The following NR5A2 variants were observed in gnomAD, a reference collection of about 807,000 sequenced individuals.
NR5A2 encodes CYP7A promoter-binding factor.
A neutral mutation model predicts 62.7 loss-of-function variants in NR5A2; 26 were observed. The ratio of observed to expected loss-of-function variants is 0.41; its 90% CI spans 0.30 to 0.58. The LOEUF (loss-of-function observed/expected upper bound fraction) is 0.58. Among genes scored for constraint, NR5A2 ranks in the 20% least tolerant of loss-of-function variants. The probability of loss-of-function intolerance (pLI) is 0.22; values close to 1 mark genes in which losing one functional copy is unlikely to be tolerated. For missense variants in NR5A2, 541 were observed against 669.1 expected, an observed-to-expected ratio of 0.81 and a Z score of 2.11; for synonymous variants, 246 against 241.7, an observed-to-expected ratio of 1.02 and a Z score of -0.16.
At chr1:200,128,603 T>G (rs1666829857) in intron 7 of NR5A2, among the ~76,000 whole-genome samples, 1 of 152,158 alleles carries the variant, frequency 6.6e-6, no homozygotes, top group Non-Finnish European at 1.5e-5. Flanking sequence ...ATAGTCATTC[T>G]TTTCCCCTCT....
In NR5A2 at chr1:200,039,780, C is replaced by A; in HGVS notation, c.187C>A (p.Pro63Thr). Residue 63 changes from proline (P) to threonine (T), a missense_variant, in exon 2 of 8, where the codon CCG (proline) becomes ACG (threonine). Physicochemically the swap from Pro to Thr is conservative, Grantham distance 38. This residue lies in a region of NR5A2 where 108 missense variants were observed against 103.3 expected (regional missense o/e 1.05). Coordinates refer to ENST00000367362, the MANE Select transcript of NR5A2 (RefSeq NM_205860.3). This position sits in a 1 kb window ranked among gnomAD's most constrained non-coding sequence, Gnocchi z 5.1. ...ARSHGEQGQM[P>T]ENMQVSQFKM... Reference sequence around the variant, plus strand: ...ATCGCATGGGGAACAGGGCCAGATGCCGGAAAACATGCAAGGTAAGGAGGC... The same window carrying A: ...ATCGCATGGGGAACAGGGCCAGATGACGGAAAACATGCAAGGTAAGGAGGC... The A allele has an allele frequency of 1.2e-6, 2 of 1,605,972 alleles. No individual in the cohort carries two copies. Among genetic ancestry groups the A allele is most frequent in the Non-Finnish European group, 1.7e-6 (2 of 1,176,646 alleles).
chr1:200,077,694 A>G (rs934747034), intron 5 of NR5A2, among the ~76,000 whole-genome samples: 1 of 149,772 alleles, frequency 6.7e-6, no homozygotes, highest in African/African-American at 2.5e-5. Context: ...AGCCTGGGTG[A>G]CAGAGCAAGA....
intron 7 of NR5A2, among the ~76,000 whole-genome samples, chr1:200,166,234 A>AG (rs1310783514): frequency 2.0e-5 from 3 of 152,224 alleles, no homozygotes; most frequent in Non-Finnish European, 4.4e-5. Flanking sequence ...ATACAAAAAA[A>AG]GTCAAAAGTG....
intron 7 of NR5A2, among the ~76,000 whole-genome samples, chr1:200,164,309 C>A (rs1653792557): frequency 6.6e-6 from 1 of 152,130 alleles, no homozygotes; most frequent in South Asian, 2.1e-4. Flanking sequence ...AGTGGAAATA[C>A]AGAATTCTGG....
At chr1:200,158,929 G>C (rs973724054) in intron 7 of NR5A2, among the ~76,000 whole-genome samples, 1 of 150,570 alleles carries the variant, frequency 6.6e-6, no homozygotes, top group Non-Finnish European at 1.5e-5. Context: ...ATAGGGACAG[G>C]GTCTCTGTCA....
At chr1:200,053,395 T>A (rs1429331826) in intron 5 of NR5A2, among the ~76,000 whole-genome samples, 3 of 152,140 alleles carry the variant, frequency 2.0e-5, no homozygotes, top group African/African-American at 7.2e-5. Context: ...CTAGAAGAGA[T>A]CACTGAGATC....
intron 7 of NR5A2, among the ~76,000 whole-genome samples, chr1:200,126,690 T>C (rs1666718866): frequency 6.6e-6 from 1 of 151,840 alleles, no homozygotes; most frequent in Non-Finnish European, 1.5e-5. Context: ...GGGATTTTTT[T>C]TTTTTTTTTT....
chr1:200,080,159 G>A (rs1047026792), intron 5 of NR5A2, among the ~76,000 whole-genome samples: 1 of 152,090 alleles, frequency 6.6e-6, no homozygotes, highest in African/African-American at 2.4e-5. Flanking sequence ...TGATTAATTT[G>A]CCTAACAAGA....
intron 7 of NR5A2, among the ~76,000 whole-genome samples, chr1:200,137,736 G>A (rs1235534595): frequency 1.3e-5 from 2 of 152,116 alleles, no homozygotes; most frequent in East Asian, 3.9e-4. Context: ...TTCTTAGTAT[G>A]TTTCTGATAT....
intron 7 of NR5A2, among the ~76,000 whole-genome samples, chr1:200,145,598 G>A (rs986782595): frequency 1.4e-4 from 22 of 151,844 alleles, no homozygotes; most frequent in African/African-American, 4.8e-4. Flanking sequence ...TTAGAAGGTC[G>A]GGTTACACTA....
In NR5A2 at chr1:200,091,484, C is replaced by T. The variant is rs866131648; in HGVS notation, c.1111-19718C>T. Among the ~76,000 whole-genome samples the T allele has an allele frequency of 4.0e-3, 501 of 126,476 alleles. 1 individual carries two copies. Among genetic ancestry groups the T allele is most frequent in the Non-Finnish European group, 6.2e-3 (377 of 61,282 alleles). 83.0% of individuals were successfully genotyped at this position (126,476 alleles called of 152,430 possible). ...CACCTCCTTACCCTTTGCTCTCTTTCTTTTTTTTTTTTTTTTTTGAGACAG... is the reference window on the plus strand; with the variant it reads ...CACCTCCTTACCCTTTGCTCTCTTTTTTTTTTTTTTTTTTTTTTGAGACAG... On this transcript the variant is annotated intron_variant, in intron 5 of 7. Coordinates refer to ENST00000367362, the MANE Select transcript of NR5A2 (RefSeq NM_205860.3).
intron 5 of NR5A2, among the ~76,000 whole-genome samples, chr1:200,072,347 A>T (rs555321586): frequency 1.3e-5 from 2 of 152,320 alleles, no homozygotes; most frequent in East Asian, 3.9e-4. Flanking sequence ...CTGTTGATTA[A>T]TAAATTCATG....
chr1:200,030,513 A>T (rs1661511670), intron 1 of NR5A2, among the ~76,000 whole-genome samples: 1 of 152,222 alleles, frequency 6.6e-6, no homozygotes, highest in Non-Finnish European at 1.5e-5. Context: ...ACTCTGGGAC[A>T]CTGGCCAGAC....
chr1:200,127,265 C>A (rs1156965634), intron 7 of NR5A2, among the ~76,000 whole-genome samples: 1 of 152,118 alleles, frequency 6.6e-6, no homozygotes, highest in Admixed American at 6.5e-5. Context: ...GTAAAGAAGA[C>A]CTTTGAAGAC....
At chr1:200,173,922 C>T (rs1202820272) in intron 7 of NR5A2, 41 bp from the exon 8 acceptor site, 3 of 1,391,468 alleles carry the variant, frequency 2.2e-6, no homozygotes, top group Non-Finnish European at 2.8e-6. Flanking sequence ...AATTGAAATG[C>T]TATTGAAATG....
intron 5 of NR5A2, among the ~76,000 whole-genome samples, chr1:200,069,861 T>G (rs1403625543): frequency 1.6e-5 from 2 of 125,160 alleles, no homozygotes; most frequent in Non-Finnish European, 3.4e-5. Flanking sequence ...TAATCTCTAA[T>G]TATGTCTCAA....
intron 7 of NR5A2, among the ~76,000 whole-genome samples, chr1:200,151,193 T>G (rs190662259): frequency 1.4e-4 from 21 of 152,322 alleles, no homozygotes; most frequent in African/African-American, 5.1e-4. Context: ...AGATGAAACA[T>G]TGTCTTGTGT....
At chr1:200,152,594 G>A (rs1469720571) in intron 7 of NR5A2, among the ~76,000 whole-genome samples, 1 of 152,160 alleles carries the variant, frequency 6.6e-6, no homozygotes, top group Non-Finnish European at 1.5e-5. Flanking sequence ...AAATACTGAT[G>A]AATTTGAACA....
In NR5A2 at chr1:200,127,178, C is replaced by T. The variant is rs1250844901; in HGVS notation, c.1378+6223C>T. Among the ~76,000 whole-genome samples, 3 of 152,182 alleles carry T rather than the reference C, an allele frequency of 2.0e-5. No homozygotes were observed. In the East Asian group the frequency reaches 5.8e-4, roughly 29 times the overall value. On this transcript the variant is annotated intron_variant, in intron 7 of 7. Coordinates refer to ENST00000367362, the MANE Select transcript of NR5A2 (RefSeq NM_205860.3). ...AGAACTAATAACCCCAAATGACAGT[C>T]AGTACTTTTTCTGATTCAGCCTACT...
Sources: allele counts gnomAD v4.1 joint callset (sites outside exome capture counted in the v4.1 genomes callset), GRCh38; gene constraint gnomAD v4.1.1; regional missense constraint gnomAD v4.1.1; non-coding constraint Gnocchi (gnomAD v3.1); transcripts MANE v1.5; gene names NCBI Gene and HGNC (gene_info 2026-07-23, HGNC 2026-07-21).